The following TRAF3IP2 variants were observed in gnomAD, a reference collection of about 807,000 sequenced individuals.
TRAF3IP2 encodes E3 ubiquitin ligase TRAF3IP2.
Under a neutral mutation model 57.9 loss-of-function variants are expected in TRAF3IP2, and 35 were observed. That is an observed-to-expected ratio of 0.60 (90% CI 0.46 to 0.80). The LOEUF is 0.80. TRAF3IP2 is among the 30% of genes least tolerant of loss of function. The pLI is 0.00. For synonymous variants in TRAF3IP2, 251 were observed against 268.9 expected, an observed-to-expected ratio of 0.93 and a Z score of 0.65; for missense variants, 556 against 706.4, an observed-to-expected ratio of 0.79 and a Z score of 2.41.
chr6:111,588,490 T>C (rs174379), intron 2 of TRAF3IP2, among the ~76,000 whole-genome samples: 110,412 of 152,132 alleles, frequency 0.73, 40,906 homozygotes, highest in Admixed American at 0.81. Flanking sequence ...CCAATGGCGC[T>C]GTTTCAGCTC....
chr6:111,600,571 T>C (rs924003958), intron 1 of TRAF3IP2: 1 of 152,230 alleles, frequency 6.6e-6, no homozygotes, highest in South Asian at 2.1e-4. Flanking sequence ...AGGGGACAGA[T>C]AGTAAATAGT....
rs993075183 is a variant in TRAF3IP2, at chr6:111,569,259, C to T, written c.1291-1567G>A. ...ATATAGTGTCAGGGTTGAGAAGAAA[C>T]GGACAGCTTGGGTTCTGTCTTGGCT... is the stretch of plus-strand genomic sequence containing the variant. On this transcript the variant is annotated intron_variant, in intron 5 of 8. Transcript: ENST00000368761. Among the ~76,000 whole-genome samples, 3 of 152,168 alleles carry T rather than the reference C, an allele frequency of 2.0e-5. No individual in the cohort carries two copies. In the East Asian group the frequency reaches 5.8e-4, roughly 29 times the overall value.
intron 3 of TRAF3IP2, among the ~76,000 whole-genome samples, chr6:111,579,090 G>T (rs1583229051): frequency 6.6e-6 from 1 of 152,150 alleles, no homozygotes; most frequent in Middle Eastern, 3.4e-3. Flanking sequence ...CAGCACTTTG[G>T]GAGGCCGAGG....
chr6:111,599,642 C>T (rs1796805749), intron 1 of TRAF3IP2, among the ~76,000 whole-genome samples: 1 of 152,210 alleles, frequency 6.6e-6, no homozygotes, highest in South Asian at 2.1e-4. Flanking sequence ...GCACAATCTT[C>T]CTTAACTTAC....
chr6:111,567,636 G>C lies in TRAF3IP2; in HGVS notation c.1347C>G (p.Arg449=). The C allele has an allele frequency of 6.8e-6, 11 of 1,610,238 alleles. No individual in the cohort carries two copies. Among genetic ancestry groups the C allele is most frequent in the Non-Finnish European group, 9.3e-6 (11 of 1,178,574 alleles). The change falls in exon 6 of 9, where the codon CGC becomes CGG. Residue 449 remains arginine, a synonymous_variant. Coordinates refer to ENST00000368761, the MANE Select transcript of TRAF3IP2 (RefSeq NM_147686.4). The part of the protein sequence containing the change: ...RGIDIIKWME[R]YLRDKTVMII... ...GGAATGTACTTACATCCCTAAGGTAGCGCTCCATCCATTTAATGATATCAA... is the reference window on the plus strand; with the variant it reads ...GGAATGTACTTACATCCCTAAGGTACCGCTCCATCCATTTAATGATATCAA...
At chr6:111,580,140 T>C in intron 3 of TRAF3IP2, 57 bp downstream of exon 3, 2 of 1,564,576 alleles carry the variant, frequency 1.3e-6, no homozygotes, top group South Asian at 1.2e-5. Context: ...CTTCATTGCA[T>C]TGGCATAATT....
In TRAF3IP2 at chr6:111,559,069, G is replaced by C. The variant is rs1459768210; in HGVS notation, c.*336C>G. The C allele has an allele frequency of 4.5e-6, 1 of 221,430 alleles. No individual in the cohort carries two copies. Among genetic ancestry groups the C allele is most frequent in the Non-Finnish European group, 8.9e-6 (1 of 112,820 alleles). The allele number at this position is 221,430 out of a possible 1,614,324, so 13.7% of individuals were successfully genotyped here. A position where few individuals can be genotyped will look rare whatever the true frequency, so the allele number is the denominator to read the frequency against. On this transcript the variant is annotated 3_prime_UTR_variant, in exon 9 of 9. Coordinates refer to ENST00000368761, the MANE Select transcript of TRAF3IP2 (RefSeq NM_147686.4). ...AGAGTGTTTGTAGTCATTTCCATTT[G>C]CTGCCACATCCCTTACATTATCTAC...
chr6:111,561,108 G>A (rs561869303), intron 8 of TRAF3IP2, among the ~76,000 whole-genome samples: 2 of 152,046 alleles, frequency 1.3e-5, no homozygotes, highest in African/African-American at 4.8e-5. Context: ...CTTGAACCTG[G>A]GAGGTGGAGG....
In TRAF3IP2 at chr6:111,562,410, C is replaced by G. The variant is rs1444737258; in HGVS notation, c.1551+555G>C. On this transcript the variant is annotated intron_variant, in intron 8 of 8. Coordinates refer to ENST00000368761, the MANE Select transcript of TRAF3IP2 (RefSeq NM_147686.4). ...TCTTGAGTTAAAACAGAAACTACAT[C>G]TTTGTGTGCAACGGTTCTTTGAACA... Among the ~76,000 whole-genome samples the G allele has an allele frequency of 1.3e-5, 2 of 152,162 alleles. 1 individual carries two copies. Among genetic ancestry groups the G allele is most frequent in the Admixed American group, 1.3e-4 (2 of 15,278 alleles).
rs1331303188 is a variant in TRAF3IP2 at position 111,567,626 on chromosome 6, C to T, written c.1357G>A (p.Asp453Asn). Residue 453 changes from aspartate (D) to asparagine (N), a missense_variant and splice_region_variant, in exon 6 of 9, where the codon GAT (aspartate) becomes AAT (asparagine). By Grantham distance (23) the Asp-to-Asn change is conservative. Transcript: ENST00000368761. The stretch of plus-strand genomic sequence containing the variant: ...TCTGGTTTTTGGAATGTACTTACAT[C>T]CCTAAGGTAGCGCTCCATCCATTTA... ...IIKWMERYLR[D>N]KTVMIIVAIS... The T allele has an allele frequency of 1.9e-6, 3 of 1,609,496 alleles. No homozygotes were observed. The highest frequency in any genetic ancestry group is 2.5e-6 in the Non-Finnish European group (3 of 1,178,172).
intron 1 of TRAF3IP2, chr6:111,594,524 T>TG (rs1796619722): frequency 2.2e-6 from 1 of 453,068 alleles, no homozygotes; most frequent in Non-Finnish European, 4.4e-6. Flanking sequence ...AGGAGCCATC[T>TG]GGGGGCTTGG....
rs1795644367 is a variant in TRAF3IP2 at position 111,566,569 on chromosome 6, G to C, written c.1360-9C>G. Reference sequence around the variant, plus strand: ...ATTATCATCACGGTCTTCTGTTAATGAGAGGGAGAAAGGCATGTTTATGGA... The same window carrying C: ...ATTATCATCACGGTCTTCTGTTAATCAGAGGGAGAAAGGCATGTTTATGGA... On this transcript the variant is annotated splice_polypyrimidine_tract_variant and intron_variant, in intron 6 of 8. Transcript: ENST00000368761. The C allele has an allele frequency of 1.9e-6, 3 of 1,610,924 alleles. No individual in the cohort carries two copies. The highest frequency in any genetic ancestry group is 2.5e-6 in the Non-Finnish European group (3 of 1,177,058).
rs567251346 is a variant in TRAF3IP2 at position 111,555,995 on chromosome 6, C to T, written c.*3410G>A. 1.3e-5 allele frequency among the ~76,000 whole-genome samples: 2 copies of T among 151,548 alleles called. No individual in the cohort carries two copies. The highest frequency in any genetic ancestry group is 2.4e-5 in the African/African-American group (1 of 41,222). ...GCAGGTGCCTGTAGTCACAGCTACTCGAGAGGCTGAGGCAGGAGAATCGCT... is the reference window on the plus strand; with the variant it reads ...GCAGGTGCCTGTAGTCACAGCTACTTGAGAGGCTGAGGCAGGAGAATCGCT... On this transcript the variant is annotated 3_prime_UTR_variant, in exon 9 of 9. Coordinates refer to ENST00000368761, the MANE Select transcript of TRAF3IP2 (RefSeq NM_147686.4).
chr6:111,567,771 A>G, intron 5 of TRAF3IP2, 79 bp from the exon 6 acceptor site: 2 of 1,132,256 alleles, frequency 1.8e-6, no homozygotes, highest in Non-Finnish European at 2.4e-6. Flanking sequence ...ACACAATACT[A>G]TATACATTTA....
rs548148059 is a variant in TRAF3IP2, at chr6:111,604,975, C to T, written c.-9+801G>A. ...CAATTTACTGATGAAGAAATCCAGGCTTAGTGGAGTCAGAGTGAATTGCCT... is the reference window on the plus strand; with the variant it reads ...CAATTTACTGATGAAGAAATCCAGGTTTAGTGGAGTCAGAGTGAATTGCCT... On this transcript the variant is annotated intron_variant, in intron 1 of 8. Coordinates refer to ENST00000368761, the MANE Select transcript of TRAF3IP2 (RefSeq NM_147686.4). 3.9e-5 allele frequency among the ~76,000 whole-genome samples: 6 copies of T among 152,140 alleles called. No homozygotes were observed. The South Asian group carries it at 1.2e-3, about 32-fold the overall frequency.
intron 1 of TRAF3IP2, among the ~76,000 whole-genome samples, chr6:111,593,338 T>C (rs1333942500): frequency 6.6e-6 from 1 of 152,240 alleles, no homozygotes; most frequent in Non-Finnish European, 1.5e-5. Context: ...TCACTGTGCC[T>C]AAAGTCAGTT....
intron 8 of TRAF3IP2, among the ~76,000 whole-genome samples, chr6:111,560,774 A>G (rs928766884): frequency 6.6e-6 from 1 of 152,230 alleles, no homozygotes; most frequent in Non-Finnish European, 1.5e-5. Flanking sequence ...CCATGCTCCA[A>G]TAATTCTCAA....
In TRAF3IP2 at chr6:111,580,211, C is replaced by T. The variant is rs761822683; in HGVS notation, c.1008G>A (p.Gly336=). 5.6e-6 allele frequency: 9 copies of T among 1,613,912 alleles called. No individual in the cohort carries two copies. The Admixed American group carries it at 1.5e-4, about 27-fold the overall frequency. Residue 336 remains glycine (G), a synonymous_variant, in exon 3 of 9, where the codon GGG becomes GGA. Coordinates refer to ENST00000368761, the MANE Select transcript of TRAF3IP2 (RefSeq NM_147686.4). ...RPAQRDCSFP[G]LPRHQDQPHH... is the part of the protein sequence containing the mutation. ...GTCATACTTACTGGTGCCTTGGAAG[C>T]CCCGGAAAGGAGCAGTCTCTCTGTG...
intron 3 of TRAF3IP2, among the ~76,000 whole-genome samples, chr6:111,578,884 T>C (rs1383958239): frequency 6.6e-6 from 1 of 152,252 alleles, no homozygotes; most frequent in African/African-American, 2.4e-5. Flanking sequence ...CAGTGGTATA[T>C]AAAAGTTGCT....
Sources: allele counts gnomAD v4.1 joint callset (sites outside exome capture counted in the v4.1 genomes callset), GRCh38; gene constraint gnomAD v4.1.1; transcripts MANE v1.5; gene names NCBI Gene and HGNC (gene_info 2026-07-23, HGNC 2026-07-21).